FCHO2: variants seen among roughly 807,000 people sequenced by gnomAD.
FCHO2 encodes FCH and mu domain containing endocytic adaptor 2.
In FCHO2, 43 loss-of-function variants were observed where a neutral mutation model predicts 114.1. The ratio of observed to expected loss-of-function variants is 0.38; its 90% confidence interval spans 0.30 to 0.49. The LOEUF is 0.49. Ranked by LOEUF, FCHO2 falls within the 20% of genes least tolerant of loss-of-function variation. FCHO2 has a pLI of 0.97. For synonymous variants in FCHO2, 293 were observed against 315.2 expected, an observed-to-expected ratio of 0.93 and a Z score of 0.75; for missense variants, 807 against 950.4, an observed-to-expected ratio of 0.85 and a Z score of 1.98.
chr5:72,960,077 G>A (rs529202685), intron 1 of FCHO2, among the ~76,000 whole-genome samples: 22 of 152,314 alleles, frequency 1.4e-4, no homozygotes, highest in African/African-American at 4.3e-4. Flanking sequence ...ACTGTGCCCA[G>A]CCAAAGTTTT....
At chr5:72,998,284 G>A (rs1237391561) in intron 5 of FCHO2, among the ~76,000 whole-genome samples, 2 of 151,984 alleles carry the variant, frequency 1.3e-5, no homozygotes, top group African/African-American at 2.4e-5. Context: ...TCAGGAGATC[G>A]AGACCATCCT....
chr5:73,048,603 T>C (rs1757181507), intron 11 of FCHO2, among the ~76,000 whole-genome samples: 1 of 152,236 alleles, frequency 6.6e-6, no homozygotes, highest in African/African-American at 2.4e-5. Flanking sequence ...AGGTAATTTC[T>C]AATAATTACA....
chr5:73,064,037 G>A (rs1757958867), intron 18 of FCHO2, 93 bp downstream of exon 18: 1 of 1,212,700 alleles, frequency 8.2e-7, no homozygotes, highest in South Asian at 1.4e-5. Flanking sequence ...TTAATTGCTT[G>A]AAGTTTTCTA....
At chr5:73,025,533 C>T (rs948203491) in intron 8 of FCHO2, among the ~76,000 whole-genome samples, 1 of 152,078 alleles carries the variant, frequency 6.6e-6, no homozygotes, top group African/African-American at 2.4e-5. Context: ...CACCCACCAC[C>T]CTGCCTGGCT....
At chr5:73,068,182 A>G (rs1742453191) in intron 18 of FCHO2, among the ~76,000 whole-genome samples, 1 of 152,116 alleles carries the variant, frequency 6.6e-6, no homozygotes, top group Admixed American at 6.6e-5. Flanking sequence ...CAACCCATTC[A>G]TAAAAGTGAA....
intron 11 of FCHO2, among the ~76,000 whole-genome samples, chr5:73,041,704 C>A (rs1234058158): frequency 6.6e-6 from 1 of 151,950 alleles, no homozygotes; most frequent in Admixed American, 6.6e-5. Context: ...CATTTAAGAG[C>A]TTGTCATTTT....
At chr5:73,015,800 C>A in intron 7 of FCHO2, 76 bp downstream of exon 7, 1 of 858,670 alleles carries the variant, frequency 1.2e-6, no homozygotes, top group Non-Finnish European at 1.7e-6. Flanking sequence ...TATTTTCTCA[C>A]TCTGTTCAAA....
At chr5:73,078,795 A>G (rs1742999125) in intron 22 of FCHO2, among the ~76,000 whole-genome samples, 1 of 152,242 alleles carries the variant, frequency 6.6e-6, no homozygotes, top group African/African-American at 2.4e-5. Flanking sequence ...ACTATTTGAC[A>G]TAAGGACATT....
intron 9 of FCHO2, among the ~76,000 whole-genome samples, 165 bp from the exon 10 acceptor site, chr5:73,036,978 G>A (rs1756544216): frequency 6.6e-6 from 1 of 152,098 alleles, no homozygotes; most frequent in Non-Finnish European, 1.5e-5. Context: ...CATAAGAAAA[G>A]TCTAACCAAT....
chr5:72,963,180 G>A (rs1354683954), intron 1 of FCHO2, among the ~76,000 whole-genome samples: 2 of 152,162 alleles, frequency 1.3e-5, no homozygotes, highest in Admixed American at 1.3e-4. Context: ...TATCAAGCAC[G>A]TTTGCTTGAC....
At chr5:72,958,262 A>G (rs931802792) in intron 1 of FCHO2, among the ~76,000 whole-genome samples, 1 of 151,726 alleles carries the variant, frequency 6.6e-6, no homozygotes, top group Admixed American at 6.6e-5. Flanking sequence ...TATTTGCCTA[A>G]CCCAAAAATT....
chr5:73,015,685 G>A lies in FCHO2; in HGVS notation c.660G>A (p.Leu220=), dbSNP rs185815893. ...ACATAAAGGAAATTATAGGATCCTT[G>A]TCAAATGCTATAAAGGAAATTCATT... The part of the protein sequence containing the change: ...LIHIKEIIGS[L]SNAIKEIHLQ... The change falls in exon 7 of 26, where the codon TTG becomes TTA. Residue 220 remains leucine (L), a synonymous_variant. Coordinates refer to ENST00000430046, the MANE Select transcript of FCHO2 (RefSeq NM_138782.3). The A allele has an allele frequency of 6.2e-5, 99 of 1,584,104 alleles. 1 individual carries two copies. The Admixed American group carries it at 1.8e-3, about 29-fold the overall frequency.
chr5:72,958,020 T>A (rs748838752), intron 1 of FCHO2, among the ~76,000 whole-genome samples: 5 of 152,074 alleles, frequency 3.3e-5, no homozygotes, highest in Non-Finnish European at 7.4e-5. Context: ...TGGGTTGTCT[T>A]TTTTTATAAT....
rs540577008 is a variant in FCHO2 at position 73,053,556 on chromosome 5, G to A, written c.1174-604G>A. Among the ~76,000 whole-genome samples the A allele has an allele frequency of 4.6e-5, 7 of 152,220 alleles. No homozygotes were observed. The East Asian group carries it at 1.4e-3, about 29-fold the overall frequency. ...AAAAAATACAAAAAATTAGCCGGTC[G>A]TGGTGGCATGCGCCTTTGGTCCTAG... On this transcript the variant is annotated intron_variant, in intron 13 of 25. Transcript: ENST00000430046.
intron 2 of FCHO2, among the ~76,000 whole-genome samples, chr5:72,970,530 C>T (rs1297823992): frequency 6.6e-6 from 1 of 150,474 alleles, no homozygotes; most frequent in Non-Finnish European, 1.5e-5. Flanking sequence ...AATATAAATT[C>T]AATAAGTTGG....
chr5:73,005,680 CTT>C (rs1754680096), intron 5 of FCHO2, among the ~76,000 whole-genome samples: 3 of 152,266 alleles, frequency 2.0e-5, no homozygotes, highest in African/African-American at 7.2e-5. Flanking sequence ...TACACATAAT[CTT>C]TTCCTTTCTC....
At chr5:73,068,816 G>A in intron 19 of FCHO2, 37 bp downstream of exon 19, 1 of 1,594,502 alleles carries the variant, frequency 6.3e-7, no homozygotes, top group Non-Finnish European at 8.6e-7. Context: ...GAAATGTAGT[G>A]TACAAAGTAT....
chr5:73,056,348 T>C (rs1757593150), intron 16 of FCHO2, among the ~76,000 whole-genome samples: 1 of 152,202 alleles, frequency 6.6e-6, no homozygotes, highest in African/African-American at 2.4e-5. Flanking sequence ...GGGTTCATTC[T>C]TGGTGTTGGA....
At chr5:72,993,146 A>C (rs2112675374) in intron 5 of FCHO2, among the ~76,000 whole-genome samples, 1 of 152,226 alleles carries the variant, frequency 6.6e-6, no homozygotes, top group Non-Finnish European at 1.5e-5. Flanking sequence ...CAAATAAATA[A>C]ACATAAACTT....
Sources: gnomAD v4.1 joint callset for allele counts (sites outside exome capture counted in the v4.1 genomes callset) on GRCh38, gnomAD v4.1.1 for gene constraint, MANE v1.5 for transcripts, NCBI Gene and HGNC (gene_info 2026-07-23, HGNC 2026-07-21) for gene names.